The following IQSEC1 variants were observed in gnomAD, a reference collection of about 807,000 sequenced individuals.
The protein encoded by IQSEC1 is IQ motif and Sec7 domain ArfGEF 1, also known as IQ motif and SEC7 domain-containing protein 1.
IQSEC1 carries 31 observed loss-of-function variants against 91.0 expected under a neutral mutation model. That is an observed-to-expected ratio of 0.34 (90% CI 0.26 to 0.46). IQSEC1 has a LOEUF of 0.46. IQSEC1 is among the 20% of genes least tolerant of loss of function. The pLI is 1.00. For synonymous variants in IQSEC1, 699 were observed against 662.6 expected, an observed-to-expected ratio of 1.05 and a Z score of -0.84; for missense variants, 1,388 against 1,575.6, an observed-to-expected ratio of 0.88 and a Z score of 2.02.
chr3:12,976,649 C>G (rs1460262264), intron 1 of IQSEC1, among the ~76,000 whole-genome samples: 2 of 152,200 alleles, frequency 1.3e-5, no homozygotes, highest in Non-Finnish European at 2.9e-5. Context: ...CTTTAAAGCC[C>G]ATCTCACAGT....
intron 1 of IQSEC1, among the ~76,000 whole-genome samples, chr3:12,946,708 A>C (rs1229882261): frequency 6.6e-6 from 1 of 152,316 alleles, no homozygotes; most frequent in Admixed American, 6.5e-5. Context: ...TTTGTGGACT[A>C]TAAGATGAAT....
rs554506864 is a variant in IQSEC1, at chr3:13,282,002, C to T, written c.272+709G>A. 1.3e-5 allele frequency among the ~76,000 whole-genome samples: 2 copies of T among 152,310 alleles called. No homozygotes were observed. Among genetic ancestry groups the T allele is most frequent in the African/African-American group, 4.8e-5 (2 of 41,574 alleles). On this transcript the variant is annotated intron_variant, in intron 1 of 15. Transcript: ENST00000648114. The surrounding 1 kb of genome is among the most constrained non-coding windows in gnomAD (Gnocchi z 6.4). ...GACACCGACACTCATGGGAGGCAAA[C>T]GGGAACCCGGCTGGCGGGCTGCGAG...
intron 9 of IQSEC1, among the ~76,000 whole-genome samples, chr3:12,912,200 C>T (rs1162592865): frequency 6.6e-6 from 1 of 152,212 alleles, no homozygotes; most frequent in Non-Finnish European, 1.5e-5. Flanking sequence ...CCCAGCTGGC[C>T]CGCCACGGTC....
intron 1 of IQSEC1, among the ~76,000 whole-genome samples, chr3:13,215,983 C>G (rs1366668023): frequency 1.3e-5 from 2 of 152,238 alleles, no homozygotes; most frequent in Non-Finnish European, 2.9e-5. Context: ...GTCTGCTTCT[C>G]TTAGTGATTC....
At chr3:12,954,585 A>G (rs1699779032) in intron 1 of IQSEC1, among the ~76,000 whole-genome samples, 1 of 152,214 alleles carries the variant, frequency 6.6e-6, no homozygotes, top group African/African-American at 2.4e-5. Flanking sequence ...ACACCAAGTT[A>G]GGTTTCCTCA....
At chr3:12,946,173 G>A (rs1436804603) in intron 1 of IQSEC1, among the ~76,000 whole-genome samples, 1 of 152,222 alleles carries the variant, frequency 6.6e-6, no homozygotes, top group Non-Finnish European at 1.5e-5. Flanking sequence ...TTAGAGAACA[G>A]CCAGACTGGC....
At position 12,943,722 on chromosome 3, in the gene IQSEC1, G is replaced by T. The variant is rs377523599; in HGVS notation, c.24-1857C>A. 7.9e-5 allele frequency among the ~76,000 whole-genome samples: 12 copies of T among 152,358 alleles called. 1 individual carries two copies. Among genetic ancestry groups the T allele is most frequent in the Admixed American group, 5.2e-4 (8 of 15,314 alleles). Reference sequence around the variant, plus strand: ...CTCACGAGGCCTGCAGGACCCCAGTGCCCAGTGCAGAATGTGACGTCTCCG... The same window carrying T: ...CTCACGAGGCCTGCAGGACCCCAGTTCCCAGTGCAGAATGTGACGTCTCCG... On this transcript the variant is annotated intron_variant, in intron 1 of 13. Transcript: ENST00000613206.
rs977592507 is a variant in IQSEC1 at position 13,073,149 on chromosome 3, G to C, written c.-135C>G. 1.9e-6 allele frequency: 2 copies of C among 1,058,130 alleles called. No individual in the cohort carries two copies. The highest frequency in any genetic ancestry group is 2.8e-6 in the Non-Finnish European group (2 of 716,536). The allele number at this position is 1,058,130 out of a possible 1,614,324, so 65.5% of individuals were successfully genotyped here. On this transcript the variant is annotated 5_prime_UTR_variant, in exon 1 of 14. Coordinates refer to ENST00000613206, the MANE Select transcript of IQSEC1 (RefSeq NM_001134382.3). Reference sequence around the variant, plus strand: ...AAATCGCGGGGCGAGTCACATTCCCGGGGGTGGCGGGCTCCTCCAGGGAGG... The same window carrying C: ...AAATCGCGGGGCGAGTCACATTCCCCGGGGTGGCGGGCTCCTCCAGGGAGG...
intron 1 of IQSEC1, among the ~76,000 whole-genome samples, chr3:12,957,760 T>G (rs1440284170): frequency 6.6e-6 from 1 of 152,156 alleles, no homozygotes; most frequent in Non-Finnish European, 1.5e-5. Context: ...ATAGCAAAAC[T>G]GAAAGGAAAG....
chr3:13,063,392 G>A (rs9837795), intron 1 of IQSEC1, among the ~76,000 whole-genome samples: 6,978 of 152,314 alleles, frequency 0.046, 574 homozygotes, highest in African/African-American at 0.16. Flanking sequence ...GCATTTGATG[G>A]AATGTTATTT....
intron 1 of IQSEC1, among the ~76,000 whole-genome samples, chr3:13,072,269 C>T (rs1265727725): frequency 1.3e-5 from 2 of 152,252 alleles, no homozygotes; most frequent in East Asian, 3.8e-4. Context: ...AAGGTTGCTC[C>T]TCCTAGAACA....
Position 12,900,461 on chromosome 3 carries a change from ATATATATT to A in IQSEC1, c.*514_*521del, listed in dbSNP as rs749858779. 4.8e-3 allele frequency: 3,378 copies of A among 707,036 alleles called. 13 individuals carry two copies. The highest frequency in any genetic ancestry group is 5.2e-3 in the Non-Finnish European group (3,035 of 578,814). The allele number at this position is 707,036 out of a possible 1,614,324, so 43.8% of individuals were successfully genotyped here. ...AGTACTACCTATACAGTATATATAT[ATATATATT>A]TATATATTTATATATTTATATAAAG... On this transcript the variant is annotated 3_prime_UTR_variant, in exon 14 of 14. Coordinates refer to ENST00000613206, the MANE Select transcript of IQSEC1 (RefSeq NM_001134382.3).
At position 12,902,655 on chromosome 3, in the gene IQSEC1, CAA is replaced by C. The variant is rs1694457517; in HGVS notation, c.2805+116_2805+117del. On this transcript the variant is annotated intron_variant, in intron 13 of 13. Coordinates refer to ENST00000613206, the MANE Select transcript of IQSEC1 (RefSeq NM_001134382.3). ...GGGAAGGAAAAGCCAAAAAAAAAAA[CAA>C]CAAAAAAAAAACCAAAAAAAAAAAA... is the stretch of plus-strand genomic sequence containing the variant. The C allele has an allele frequency of 8.7e-5, 31 of 357,352 alleles. 1 individual carries two copies. The highest frequency in any genetic ancestry group is 6.5e-4 in the South Asian group (25 of 38,478). The allele number at this position is 357,352 out of a possible 1,614,324, so 22.1% of individuals were successfully genotyped here.
intron 1 of IQSEC1, among the ~76,000 whole-genome samples, chr3:13,018,262 G>A (rs551460857): frequency 2.6e-5 from 4 of 152,298 alleles, no homozygotes; most frequent in South Asian, 2.1e-4. Flanking sequence ...AATTGTCCAG[G>A]AAGCTCCCTG....
intron 1 of IQSEC1, among the ~76,000 whole-genome samples, chr3:13,278,355 A>G (rs1198500903): frequency 6.6e-6 from 1 of 151,988 alleles, no homozygotes; most frequent in African/African-American, 2.4e-5. Flanking sequence ...CCCCCTCTAC[A>G]CTGCCACCCC....
intron 1 of IQSEC1, among the ~76,000 whole-genome samples, chr3:13,260,801 C>T (rs1260036025): frequency 1.3e-5 from 2 of 152,108 alleles, no homozygotes; most frequent in Non-Finnish European, 2.9e-5. Context: ...TCCTGGGGCC[C>T]GGGAGACAGG....
In IQSEC1 at chr3:13,165,578, G is replaced by GTCTGTCTGTC. The variant is rs1553570986; in HGVS notation, c.273-1446_273-1445insGACAGACAGA. Among the ~76,000 whole-genome samples the GTCTGTCTGTC allele has an allele frequency of 5.7e-5, 6 of 105,760 alleles. No homozygotes were observed. The East Asian group carries it at 9.8e-4, about 17-fold the overall frequency. 69.4% of individuals were successfully genotyped at this position (105,760 alleles called of 152,430 possible). ...TGTGTGTGTGTGTGTGTGTGTGTGT[G>GTCTGTCTGTC]TGTCTGTCTGTCTTCACTTCATCGC... On this transcript the variant is annotated intron_variant, in intron 1 of 15. Coordinates refer to the IQSEC1 transcript ENST00000648114.
intron 1 of IQSEC1, among the ~76,000 whole-genome samples, chr3:13,206,837 A>C (rs1694354503): frequency 6.6e-6 from 1 of 152,108 alleles, no homozygotes; most frequent in South Asian, 2.1e-4. Context: ...CCAGGCATGG[A>C]CCAATGATGG....
chr3:13,038,796 C>A (rs1704143016), intron 1 of IQSEC1, among the ~76,000 whole-genome samples: 1 of 152,172 alleles, frequency 6.6e-6, no homozygotes, highest in African/African-American at 2.4e-5. Flanking sequence ...GGAAAGCAAG[C>A]TCACTAAGCC....
Sources: gnomAD v4.1 joint callset for allele counts (sites outside exome capture counted in the v4.1 genomes callset) on GRCh38, gnomAD v4.1.1 for gene constraint, Gnocchi (gnomAD v3.1) non-coding constraint, MANE v1.5 for transcripts, NCBI Gene and HGNC (gene_info 2026-07-23, HGNC 2026-07-21) for gene names.